The following COMMD10 variants were observed in gnomAD, a reference collection of about 807,000 sequenced individuals.
The protein encoded by COMMD10 is COMM domain containing 10, also known as COMM domain-containing protein 10.
In COMMD10, 33 loss-of-function variants were observed where a neutral mutation model predicts 28.9. That is an observed-to-expected ratio of 1.14 (90% confidence interval 0.87 to 1.53). The LOEUF (loss-of-function observed/expected upper bound fraction) is 1.53. Ranked by LOEUF, COMMD10 falls within the 40% of genes most tolerant of loss-of-function variation. The pLI is 0.00. For synonymous variants in COMMD10, 110 were observed against 81.7 expected (o/e 1.35, Z -1.87); for missense variants, 310 against 233.4 (o/e 1.33, Z -2.14).
chr5:116,178,564 A>G (rs549710983), intron 5 of COMMD10, among the ~76,000 whole-genome samples: 1 of 152,136 alleles, frequency 6.6e-6, no homozygotes, highest in African/African-American at 2.4e-5. Flanking sequence ...GTGCATAACT[A>G]TAATAACGGG....
intron 4 of COMMD10, among the ~76,000 whole-genome samples, chr5:116,127,039 T>C: frequency 6.6e-6 from 1 of 152,212 alleles, no homozygotes; most frequent in Non-Finnish European, 1.5e-5. Context: ...GACAAAGGGC[T>C]AATATCCAGA....
chr5:116,170,125 G>A (rs957137102), intron 5 of COMMD10, among the ~76,000 whole-genome samples: 9 of 152,256 alleles, frequency 5.9e-5, no homozygotes, highest in African/African-American at 2.2e-4. Flanking sequence ...AAGCTGATAA[G>A]CAACTTCAGC....
intron 5 of COMMD10, among the ~76,000 whole-genome samples, chr5:116,282,794 G>C (rs1751106898): frequency 2.6e-5 from 4 of 151,782 alleles, no homozygotes; most frequent in South Asian, 4.1e-4. Context: ...CACCCTCATT[G>C]ACTACATTTT....
At chr5:116,261,341 C>T (rs937957553) in intron 5 of COMMD10, among the ~76,000 whole-genome samples, 6 of 151,626 alleles carry the variant, frequency 4.0e-5, no homozygotes, top group African/African-American at 1.5e-4. Context: ...TTTAAGGTTT[C>T]CTAATCTTGC....
intron 5 of COMMD10, among the ~76,000 whole-genome samples, chr5:116,285,713 A>G (rs1751202505): frequency 6.6e-6 from 1 of 151,994 alleles, no homozygotes; most frequent in Non-Finnish European, 1.5e-5. Flanking sequence ...CTACTTGTAT[A>G]ATGATATGTA....
At chr5:116,088,006 G>A (rs1306901989) in intron 2 of COMMD10, among the ~76,000 whole-genome samples, 2 of 152,054 alleles carry the variant, frequency 1.3e-5, no homozygotes, top group Non-Finnish European at 2.9e-5. Flanking sequence ...CTATCAACTG[G>A]TATTTAATCT....
chr5:116,289,831 A>C (rs551168435), intron 5 of COMMD10, among the ~76,000 whole-genome samples: 1 of 151,866 alleles, frequency 6.6e-6, no homozygotes, highest in African/African-American at 2.4e-5. Context: ...TGGTCTCTCA[A>C]GTTCTCACAA....
At chr5:116,137,530 A>G (rs796405729) in intron 5 of COMMD10, among the ~76,000 whole-genome samples, 3 of 152,132 alleles carry the variant, frequency 2.0e-5, no homozygotes, top group African/African-American at 7.2e-5. Context: ...AAATATACAT[A>G]TATTAAACTA....
intron 5 of COMMD10, among the ~76,000 whole-genome samples, chr5:116,195,082 C>T (rs540842949): frequency 1.3e-5 from 2 of 152,092 alleles, no homozygotes; most frequent in South Asian, 2.1e-4. Flanking sequence ...TTATCTCAAT[C>T]GATGCAGAAA....
intron 5 of COMMD10, among the ~76,000 whole-genome samples, chr5:116,137,474 G>C (rs746082176): frequency 1.3e-5 from 2 of 151,918 alleles, no homozygotes; most frequent in Non-Finnish European, 1.5e-5. Flanking sequence ...AGGAAGCATT[G>C]GGTACAGTTC....
At chr5:116,257,964 C>A (rs1451275220) in intron 5 of COMMD10, among the ~76,000 whole-genome samples, 1 of 151,604 alleles carries the variant, frequency 6.6e-6, no homozygotes, top group East Asian at 1.9e-4. Context: ...ATAGAATGTT[C>A]AAGGCTAACT....
intron 5 of COMMD10, among the ~76,000 whole-genome samples, chr5:116,207,838 G>T (rs1168283101): frequency 6.6e-6 from 1 of 152,084 alleles, no homozygotes. Flanking sequence ...TATTTTCTCT[G>T]TATCACACTC....
intron 5 of COMMD10, among the ~76,000 whole-genome samples, chr5:116,142,678 G>A (rs1262637086): frequency 6.6e-6 from 1 of 151,574 alleles, no homozygotes; most frequent in Non-Finnish European, 1.5e-5. Flanking sequence ...CCAGTAAAAA[G>A]CCCAGATATT....
chr5:116,134,922 A>G (rs1352104527), intron 5 of COMMD10, among the ~76,000 whole-genome samples: 1 of 149,008 alleles, frequency 6.7e-6, no homozygotes, highest in African/African-American at 2.4e-5. Context: ...CGCCCGGCCT[A>G]CAATTTTTTT....
At chr5:116,273,362 A>G (rs760809117) in intron 5 of COMMD10, among the ~76,000 whole-genome samples, 22 of 151,852 alleles carry the variant, frequency 1.4e-4, no homozygotes, top group Non-Finnish European at 2.5e-4. Context: ...CCTGTAATCA[A>G]AAAGTGATGT....
chr5:116,252,700 T>C (rs1463710651), intron 5 of COMMD10, among the ~76,000 whole-genome samples: 1 of 130,662 alleles, frequency 7.7e-6, no homozygotes, highest in Non-Finnish European at 1.6e-5. Context: ...TTGGTTACTG[T>C]AGCCTTGTAG....
At chr5:116,159,899 G>T (rs1307059015) in intron 5 of COMMD10, among the ~76,000 whole-genome samples, 1 of 152,006 alleles carries the variant, frequency 6.6e-6, no homozygotes, top group Non-Finnish European at 1.5e-5. Context: ...CCTCCCTAGT[G>T]GCTTAAAAAA....
chr5:116,247,038 C>T (rs926465776), intron 5 of COMMD10, among the ~76,000 whole-genome samples: 5 of 150,726 alleles, frequency 3.3e-5, no homozygotes, highest in African/African-American at 1.2e-4. Context: ...AACAGAGAAC[C>T]TAAAGAATGG....
chr5:116,127,560 A>C (rs1303609687), intron 4 of COMMD10, among the ~76,000 whole-genome samples: 2 of 152,218 alleles, frequency 1.3e-5, no homozygotes, highest in East Asian at 3.8e-4. Flanking sequence ...GATTAAGAAA[A>C]TGTGGCACAT....
Sources: allele counts gnomAD v4.1 joint callset (sites outside exome capture counted in the v4.1 genomes callset), GRCh38; gene constraint gnomAD v4.1.1; transcripts MANE v1.5; gene names NCBI Gene and HGNC (gene_info 2026-07-23, HGNC 2026-07-21).